The following KIAA1671 variants were observed in gnomAD, a reference collection of about 807,000 sequenced individuals.
KIAA1671 encodes KIAA1671, also known as uncharacterized protein KIAA1671.
KIAA1671 carries 52 observed loss-of-function variants against 131.2 expected under a neutral mutation model. The ratio of observed to expected loss-of-function variants is 0.40; its 90% CI spans 0.32 to 0.50. The LOEUF (loss-of-function observed/expected upper bound fraction) is 0.50. Among genes scored for constraint, KIAA1671 ranks in the 20% least tolerant of loss-of-function variants. The pLI, the probability that KIAA1671 is intolerant of heterozygous loss-of-function variation, is 0.73. For synonymous variants in KIAA1671, 1,003 were observed against 961.6 expected (o/e 1.04, Z -0.80); for missense variants, 2,360 against 2,364.2 (o/e 1.00, Z 0.04).
chr22:25,108,881 G>C (rs933928579), intron 6 of KIAA1671, among the ~76,000 whole-genome samples: 1 of 152,156 alleles, frequency 6.6e-6, no homozygotes, highest in Non-Finnish European at 1.5e-5. Flanking sequence ...GGTCAGCTAA[G>C]GGTTTGACTA....
chr22:25,170,880 G>A lies in KIAA1671; in HGVS notation c.4591G>A (p.Val1531Met), dbSNP rs552025293. Residue 1531 changes from valine (V) to methionine (M), a missense_variant, in exon 7 of 13, where the codon GTG becomes ATG. Physicochemically the swap from Val to Met is conservative, Grantham distance 21 (BLOSUM62 1). Transcript: ENST00000358431. ...TGAACCCAAGGACACTGACACCCTC[G>A]TGCACGAAGCCGGCAGCCAGTATGG... is the stretch of plus-strand genomic sequence containing the variant. ...PTEPKDTDTLVHEAGSQYGTW... is the reference protein window; with the variant it reads ...PTEPKDTDTLMHEAGSQYGTW... The A allele has an allele frequency of 5.5e-4, 860 of 1,551,676 alleles. 1 individual carries two copies. The highest frequency in any genetic ancestry group is 1.3e-3 in the East Asian group (52 of 40,914).
intron 6 of KIAA1671, among the ~76,000 whole-genome samples, chr22:25,092,632 G>A (rs923275965): frequency 2.0e-5 from 3 of 152,258 alleles, no homozygotes; most frequent in Non-Finnish European, 4.4e-5. Context: ...GTGCTGGGGT[G>A]GGATGGGAAG....
chr22:25,096,784 A>C (rs561728772), intron 6 of KIAA1671, among the ~76,000 whole-genome samples: 1 of 152,034 alleles, frequency 6.6e-6, no homozygotes, highest in African/African-American at 2.4e-5. Context: ...CCCTCCTTCC[A>C]TCCTGTCCTC....
intron 4 of KIAA1671, among the ~76,000 whole-genome samples, chr22:25,036,332 G>A (rs971511672): frequency 1.3e-4 from 19 of 151,766 alleles, no homozygotes; most frequent in Admixed American, 1.1e-3. Context: ...CACCCGCCTC[G>A]GCCTCCCAAA....
intron 4 of KIAA1671, 125 bp downstream of exon 4, chr22:25,032,821 C>T: frequency 2.0e-6 from 1 of 509,158 alleles, no homozygotes; most frequent in Non-Finnish European, 3.5e-6. Context: ...CACGATAAAA[C>T]ATTTTTTCTT....
Position 24,967,195 on chromosome 22 carries a change from G to T in KIAA1671, c.-208+14423G>T, listed in dbSNP as rs146903547. On this transcript the variant is annotated intron_variant, in intron 1 of 12. Coordinates refer to ENST00000358431, the MANE Select transcript of KIAA1671 (RefSeq NM_001145206.2). ...GGGCCTAGAAAAATCACAATTTGCT[G>T]ACAGGGCCTACTGTGTGCCAAGTCC... is the stretch of plus-strand genomic sequence containing the variant. Among the ~76,000 whole-genome samples, 628 of 152,304 alleles carry T rather than the reference G, an allele frequency of 4.1e-3. 3 individuals carry two copies. The highest frequency in any genetic ancestry group is 0.014 in the African/African-American group (576 of 41,568).
At chr22:25,182,220 T>G (rs7284703) in intron 10 of KIAA1671, among the ~76,000 whole-genome samples, 49,131 of 151,200 alleles carry the variant, frequency 0.32, 8,373 homozygotes, top group East Asian at 0.49. Flanking sequence ...CCTTCCGTCC[T>G]TCCTTCCTTT....
At chr22:25,141,394 G>A (rs1226040717) in intron 6 of KIAA1671, among the ~76,000 whole-genome samples, 18 of 136,568 alleles carry the variant, frequency 1.3e-4, no homozygotes, top group Admixed American at 1.1e-3. Flanking sequence ...CACCACACCT[G>A]GCTAATTTTT....
intron 1 of KIAA1671, chr22:25,023,300 G>T (rs1925772466): frequency 6.6e-6 from 1 of 152,198 alleles, no homozygotes; most frequent in South Asian, 2.1e-4. Flanking sequence ...CTGGAAGGTG[G>T]AGTTTGCAGT....
chr22:25,080,782 C>T (rs542694814), intron 6 of KIAA1671, among the ~76,000 whole-genome samples: 4 of 152,192 alleles, frequency 2.6e-5, no homozygotes, highest in African/African-American at 9.7e-5. Flanking sequence ...TGTTAGTCCA[C>T]AGGGTCTTTG....
chr22:24,977,518 T>C (rs1922976857), intron 1 of KIAA1671, among the ~76,000 whole-genome samples: 1 of 152,196 alleles, frequency 6.6e-6, no homozygotes, highest in Non-Finnish European at 1.5e-5. Context: ...CAGAAAGGCC[T>C]GAATGTGTCT....
chr22:25,140,760 T>C (rs543241903), intron 6 of KIAA1671, among the ~76,000 whole-genome samples: 2 of 152,298 alleles, frequency 1.3e-5, no homozygotes, highest in Non-Finnish European at 2.9e-5. Flanking sequence ...TTGGGACTTA[T>C]TCTGTGTATG....
chr22:25,054,765 C>T (rs1927751042), intron 6 of KIAA1671: 1 of 143,972 alleles, frequency 6.9e-6, no homozygotes, highest in African/African-American at 2.8e-5. Flanking sequence ...GGGGGTGTCT[C>T]CACTTGGGGA....
intron 6 of KIAA1671, among the ~76,000 whole-genome samples, chr22:25,084,951 T>C (rs1929626816): frequency 1.3e-5 from 2 of 152,330 alleles, no homozygotes; most frequent in Admixed American, 1.3e-4. Context: ...GAAGTGAGTG[T>C]TGTGGCAAAG....
chr22:25,090,834 C>G (rs1264956258), intron 6 of KIAA1671, among the ~76,000 whole-genome samples: 1 of 152,244 alleles, frequency 6.6e-6, no homozygotes. Flanking sequence ...TCTTTCTGTT[C>G]TACTGTGTTT....
chr22:25,185,350 C>T (rs1374782018), intron 11 of KIAA1671: 7 of 484,764 alleles, frequency 1.4e-5, no homozygotes, highest in African/African-American at 4.0e-5. Flanking sequence ...TCCTCTTCCC[C>T]GCCCACTGCC....
chr22:25,086,699 A>G (rs1344149014), intron 6 of KIAA1671, among the ~76,000 whole-genome samples: 4 of 152,140 alleles, frequency 2.6e-5, no homozygotes, highest in East Asian at 3.8e-4. Context: ...GCACAGGTGG[A>G]CAGGAAATCC....
chr22:25,191,179 G>A (rs927803328), intron 12 of KIAA1671, among the ~76,000 whole-genome samples: 2 of 133,206 alleles, frequency 1.5e-5, no homozygotes, highest in Non-Finnish European at 3.1e-5. Context: ...ACAGAGTTTC[G>A]CCCTTGTCAC....
chr22:25,050,487 C>T (rs907759353), intron 6 of KIAA1671: 6 of 152,228 alleles, frequency 3.9e-5, no homozygotes, highest in East Asian at 1.9e-4. Flanking sequence ...CCTGGTCTCA[C>T]GTTTTGGAGA....
Sources: gnomAD v4.1 joint callset for allele counts (sites outside exome capture counted in the v4.1 genomes callset) on GRCh38, gnomAD v4.1.1 for gene constraint, MANE v1.5 for transcripts, NCBI Gene and HGNC (gene_info 2026-07-23, HGNC 2026-07-21) for gene names.